The following ATP8B1 variants were observed in gnomAD, a reference collection of about 807,000 sequenced individuals.
The protein encoded by ATP8B1 is ATPase phospholipid transporting 8B1.
ATP8B1 carries 80 observed loss-of-function variants against 149.9 expected under a neutral mutation model. The ratio of observed to expected loss-of-function variants is 0.53; its 90% CI spans 0.45 to 0.64. The LOEUF (loss-of-function observed/expected upper bound fraction) is 0.64, where lower values mean the gene tolerates loss of function less well. ATP8B1 is among the 30% of genes least tolerant of loss of function. The pLI is 0.00. For synonymous variants in ATP8B1, 536 were observed against 562.8 expected (o/e 0.95, Z 0.67); for missense variants, 1,247 against 1,552.6 (o/e 0.80, Z 3.31).
intron 15 of ATP8B1, among the ~76,000 whole-genome samples, chr18:57,681,696 G>A (rs1471393554): frequency 6.6e-6 from 1 of 151,996 alleles, no homozygotes; most frequent in East Asian, 1.9e-4. Context: ...AGCTACTCAG[G>A]AGGCTGAGGC....
chr18:57,726,862 C>T (rs1055381866), intron 2 of ATP8B1, among the ~76,000 whole-genome samples: 1 of 152,092 alleles, frequency 6.6e-6, no homozygotes, highest in African/African-American at 2.4e-5. Context: ...GGCGAATCAC[C>T]TTAGGTCAGG....
intron 16 of ATP8B1, among the ~76,000 whole-genome samples, chr18:57,674,103 G>A (rs1911428471): frequency 6.6e-6 from 1 of 151,912 alleles, no homozygotes; most frequent in Non-Finnish European, 1.5e-5. Context: ...AGCCCACGTG[G>A]TTAAAGAATG....
At chr18:57,721,751 T>C (rs1303829264) in intron 2 of ATP8B1, among the ~76,000 whole-genome samples, 1 of 95,280 alleles carries the variant, frequency 1.0e-5, no homozygotes, top group African/African-American at 4.3e-5. Context: ...GCGGACCTAA[T>C]AGACATCTAC....
intron 4 of ATP8B1, among the ~76,000 whole-genome samples, chr18:57,702,636 T>C (rs1401510369): frequency 6.6e-6 from 1 of 152,138 alleles, no homozygotes; most frequent in African/African-American, 2.4e-5. Context: ...GGTGGGCGGA[T>C]CACCTGAGGT....
At chr18:57,687,255 C>A (rs556952511) in intron 13 of ATP8B1, among the ~76,000 whole-genome samples, 1 of 152,316 alleles carries the variant, frequency 6.6e-6, no homozygotes, top group African/African-American at 2.4e-5. Context: ...TCCCCTGACT[C>A]CAGCCCCTGG....
intron 6 of ATP8B1, among the ~76,000 whole-genome samples, chr18:57,699,229 A>G (rs1014424386): frequency 9.2e-5 from 14 of 152,360 alleles, no homozygotes; most frequent in Admixed American, 6.5e-4. Flanking sequence ...AATATAGACT[A>G]TACCAAGCTA....
chr18:57,673,993 A>C (rs1167582164), intron 16 of ATP8B1, among the ~76,000 whole-genome samples: 1 of 152,124 alleles, frequency 6.6e-6, no homozygotes, highest in African/African-American at 2.4e-5. Context: ...GGTGCTCAAA[A>C]AATAAAAGAG....
At chr18:57,674,390 T>TTTC (rs1447920927) in intron 16 of ATP8B1, among the ~76,000 whole-genome samples, 3 of 135,496 alleles carry the variant, frequency 2.2e-5, no homozygotes, top group Non-Finnish European at 4.9e-5. Flanking sequence ...CAGTTTCTTT[T>TTTC]TTTTTTTTTT....
In ATP8B1 at chr18:57,701,262, G is replaced by A. The variant is rs1456673479; in HGVS notation, c.445C>T (p.Leu149Phe). Residue 149 changes from leucine to phenylalanine, a missense_variant, in exon 5 of 28, where the codon CTT becomes TTT. By Grantham distance (22) the Leu-to-Phe change is conservative. Transcript: ENST00000648908. Reference sequence around the variant, plus strand: ...ATTGCAGTGACGCCCAGCACCACAAGCAGGGGCACTAGTGTGGTGTACCAA... The same window carrying A: ...ATTGCAGTGACGCCCAGCACCACAAACAGGGGCACTAGTGTGGTGTACCAA... ...LAWYTTLVPL[L>F]VVLGVTAIKD... is the part of the protein sequence containing the mutation. 6.2e-7 allele frequency: 1 copy of A among 1,614,202 alleles called. No homozygotes were observed. Among genetic ancestry groups the A allele is most frequent in the East Asian group, 2.2e-5 (1 of 44,870 alleles).
At chr18:57,654,949 A>C (rs2122586345) in intron 23 of ATP8B1, among the ~76,000 whole-genome samples, 1 of 151,428 alleles carries the variant, frequency 6.6e-6, no homozygotes, top group South Asian at 2.1e-4. Context: ...AGCCTCCCAA[A>C]GTGCTGGGAT....
chr18:57,663,507 A>G (rs1568184630), intron 20 of ATP8B1, among the ~76,000 whole-genome samples: 1 of 152,228 alleles, frequency 6.6e-6, no homozygotes, highest in African/African-American at 2.4e-5. Flanking sequence ...AAACATCACC[A>G]TACTGTTTTG....
rs748084795 is a variant in ATP8B1 at position 57,648,608 on chromosome 18, C to A, written c.3636G>T (p.Ser1212=). 6.2e-7 allele frequency: 1 copy of A among 1,610,648 alleles called. No homozygotes were observed. The highest frequency in any genetic ancestry group is 1.1e-5 in the South Asian group (1 of 90,822). The change falls in exon 28 of 28, where the codon TCG becomes TCT. Residue 1212 remains serine (S), a synonymous_variant. Transcript: ENST00000648908. ...VSTRRSAYAF[S]HQRGYADLIS... The stretch of plus-strand genomic sequence containing the variant: ...TGAGGTCCGCGTAGCCCCGCTGGTG[C>A]GAGAAGGCGTAGGCCGAGCGCCGCG...
intron 15 of ATP8B1, among the ~76,000 whole-genome samples, chr18:57,681,625 G>A (rs34472992): frequency 0.33 from 49,451 of 151,660 alleles, 8,725 homozygotes; most frequent in Non-Finnish European, 0.4. Flanking sequence ...ACATGGTGAA[G>A]CCCCATCTCT....
At chr18:57,651,485 G>C (rs1163834606) in intron 26 of ATP8B1, among the ~76,000 whole-genome samples, 1 of 152,048 alleles carries the variant, frequency 6.6e-6, no homozygotes, top group East Asian at 1.9e-4. Flanking sequence ...TTCAACACAC[G>C]TACAGCGCTA....
chr18:57,679,579 C>A (rs1315878736), intron 15 of ATP8B1, among the ~76,000 whole-genome samples: 2 of 152,182 alleles, frequency 1.3e-5, no homozygotes, highest in Non-Finnish European at 2.9e-5. Flanking sequence ...CAGTTCTCAT[C>A]AACCTGATTC....
chr18:57,735,756 G>A (rs923366005), intron 1 of ATP8B1, among the ~76,000 whole-genome samples: 24 of 151,634 alleles, frequency 1.6e-4, no homozygotes, highest in African/African-American at 5.6e-4. Flanking sequence ...CCACTAAATT[G>A]GCATCACCAT....
rs1221739605 is a variant in ATP8B1 at position 57,706,495 on chromosome 18, A to G, written c.274T>C (p.Tyr92His). 6 of 1,612,640 alleles carry G rather than the reference A, an allele frequency of 3.7e-6. No individual in the cohort carries two copies. The highest frequency in any genetic ancestry group is 5.1e-6 in the Non-Finnish European group (6 of 1,178,902). Residue 92 changes from tyrosine to histidine, a missense_variant, in exon 3 of 28, where the codon TAT becomes CAT. Tyr to His is a moderately conservative substitution (Grantham distance 83). Transcript: ENST00000648908. The stretch of plus-strand genomic sequence containing the variant: ...TCAGAAAGTTAACAACTCACCGCAT[A>G]TTTACTCTCCTTAATACACAAGAAT... ...TKFLCIKESK[Y>H]ANNAIKTYKY... is the part of the protein sequence containing the mutation.
At chr18:57,653,282 CTTTTTTTTTTT>C (rs199543849) in intron 24 of ATP8B1, among the ~76,000 whole-genome samples, 2 of 114,470 alleles carry the variant, frequency 1.7e-5, no homozygotes, top group African/African-American at 6.5e-5. Context: ...CTTTTCTTTT[CTTTTTTTTTTT>C]TTTTTTTTGG....
chr18:57,759,155 CA>C (rs566728161), intron 1 of ATP8B1, among the ~76,000 whole-genome samples: 299 of 106,218 alleles, frequency 2.8e-3, no homozygotes, highest in African/African-American at 9.7e-3. Flanking sequence ...GATTCCATCT[CA>C]AAAAAAAAAA....
Sources: allele counts gnomAD v4.1 joint callset (sites outside exome capture counted in the v4.1 genomes callset), GRCh38; gene constraint gnomAD v4.1.1; transcripts MANE v1.5; gene names NCBI Gene and HGNC (gene_info 2026-07-23, HGNC 2026-07-21).